The following CELSR1 variants were observed in gnomAD, a reference collection of about 807,000 sequenced individuals.
The protein encoded by CELSR1 is adhesion G protein-coupled receptor C1.
CELSR1 carries 110 observed loss-of-function variants against 249.1 expected under a neutral mutation model. The observed-to-expected ratio is 0.44, with a 90% CI of 0.38 to 0.52. CELSR1 has a LOEUF of 0.52. CELSR1 is among the 20% of genes least tolerant of loss of function. The pLI is 0.00. For missense variants in CELSR1, 4,109 were observed against 4,296.4 expected, an observed-to-expected ratio of 0.96 and a Z score of 1.22; for synonymous variants, 2,113 against 1,900.0, an observed-to-expected ratio of 1.11 and a Z score of -2.92.
At chr22:46,486,249 T>C (rs1170064171) in intron 1 of CELSR1, among the ~76,000 whole-genome samples, 1 of 151,170 alleles carries the variant, frequency 6.6e-6, no homozygotes, top group Non-Finnish European at 1.5e-5. Flanking sequence ...TCAGGTACTT[T>C]TTAAAGTCAT....
chr22:46,378,728 G>A lies in CELSR1; in HGVS notation c.7257-11C>T. ...CCCGTCCCACCAACGCTGCGGAGAGGACAGAGAAGGGGCAGGGGTAAGACG... is the reference window on the plus strand; with the variant it reads ...CCCGTCCCACCAACGCTGCGGAGAGAACAGAGAAGGGGCAGGGGTAAGACG... On this transcript the variant is annotated splice_polypyrimidine_tract_variant and intron_variant, in intron 22 of 34. Coordinates refer to ENST00000674500, the MANE Select transcript of CELSR1 (RefSeq NM_001378328.1). 6.2e-7 allele frequency: 1 copy of A among 1,610,544 alleles called. No homozygotes were observed. The highest frequency in any genetic ancestry group is 8.5e-7 in the Non-Finnish European group (1 of 1,178,194).
Position 46,433,317 on chromosome 22 carries a change from G to A in CELSR1, c.4611+76C>T. On this transcript the variant is annotated intron_variant, in intron 5 of 34. Coordinates refer to ENST00000674500, the MANE Select transcript of CELSR1 (RefSeq NM_001378328.1). The surrounding 1 kb of genome is among the most constrained non-coding windows in gnomAD (Gnocchi z 5.7). The stretch of plus-strand genomic sequence containing the variant: ...CTCAAAGTGCTGGGATTACAGGCGT[G>A]AGCCACTGCGCCTCGCCCCAGGGCA... 3 of 1,113,838 alleles carry A rather than the reference G, an allele frequency of 2.7e-6. No homozygotes were observed. Among genetic ancestry groups the A allele is most frequent in the South Asian group, 1.3e-5 (1 of 75,408 alleles). 69.0% of individuals were successfully genotyped at this position (1,113,838 alleles called of 1,614,324 possible).
At position 46,445,995 on chromosome 22, in the gene CELSR1, C is replaced by T. The variant is rs773581154; in HGVS notation, c.4184-6584G>A. Among the ~76,000 whole-genome samples the T allele has an allele frequency of 1.3e-5, 2 of 152,164 alleles. No individual in the cohort carries two copies. Among genetic ancestry groups the T allele is most frequent in the African/African-American group, 4.8e-5 (2 of 41,444 alleles). On this transcript the variant is annotated intron_variant, in intron 2 of 34. Coordinates refer to ENST00000674500, the MANE Select transcript of CELSR1 (RefSeq NM_001378328.1). The surrounding 1 kb of genome is among the most constrained non-coding windows in gnomAD (Gnocchi z 4.4). ...CCGCACAGCCTCCAGACCTACTTGT[C>T]CCTTGCCTCGCGACAGCACAGTCCT...
In CELSR1 at chr22:46,428,934, G is replaced by A. The variant is rs2079564542; in HGVS notation, c.4611+4459C>T. On this transcript the variant is annotated intron_variant, in intron 5 of 34. Transcript: ENST00000674500. This position sits in a 1 kb window ranked among gnomAD's most constrained non-coding sequence, Gnocchi z 5.7. ...GCAGGCTCAGCTGGCTTTAGAAGAT[G>A]CCCAGGTCAGGTGGACACGAGCCAC... 6.6e-6 allele frequency among the ~76,000 whole-genome samples: 1 copy of A among 152,186 alleles called. No individual in the cohort carries two copies. Among genetic ancestry groups the A allele is most frequent in the Non-Finnish European group, 1.5e-5 (1 of 68,018 alleles).
At position 46,473,647 on chromosome 22, in the gene CELSR1, T is replaced by C. The variant is rs1220038734; in HGVS notation, c.3545-9302A>G. On this transcript the variant is annotated intron_variant, in intron 1 of 34. Transcript: ENST00000674500. This position sits in a 1 kb window ranked among gnomAD's most constrained non-coding sequence, Gnocchi z 6.6. ...TTCCCCGTGGCCGGCTGTGATCACA[T>C]CCACAGAGCGTTGCTTGCTGTCCAG... Among the ~76,000 whole-genome samples, 2 of 152,108 alleles carry C rather than the reference T, an allele frequency of 1.3e-5. No individual in the cohort carries two copies. The highest frequency in any genetic ancestry group is 2.4e-5 in the African/African-American group (1 of 41,424).
intron 5 of CELSR1, among the ~76,000 whole-genome samples, chr22:46,418,042 C>T (rs886699296): frequency 2.6e-5 from 4 of 152,222 alleles, no homozygotes; most frequent in African/African-American, 9.6e-5. Context: ...GCATCTTCCT[C>T]GTGGGACGAC....
chr22:46,520,708 T>C (rs372244784), intron 1 of CELSR1, among the ~76,000 whole-genome samples: 7 of 152,014 alleles, frequency 4.6e-5, no homozygotes, highest in East Asian at 1.9e-4. Flanking sequence ...GTGATCCACC[T>C]GCCTCGGCCT....
In CELSR1 at chr22:46,534,170, T is replaced by G; in HGVS notation, c.3001A>C (p.Lys1001Gln). The change falls in exon 1 of 35, where the codon AAG (lysine) becomes CAG (glutamine). Residue 1001 changes from lysine (K) to glutamine (Q), a missense_variant. By Grantham distance (53) the Lys-to-Gln change is moderately conservative. This residue lies in a region of CELSR1 where 886 missense variants were observed against 896.5 expected (regional missense o/e 0.99). Transcript: ENST00000674500. This position sits in a 1 kb window ranked among gnomAD's most constrained non-coding sequence, Gnocchi z 9.7. Reference protein sequence around the residue: ...DINDNAPMFEKDELELFVEEN... With the variant: ...DINDNAPMFEQDELELFVEEN... ...TCAACAAACAGCTCCAGTTCGTCCT[T>G]CTCAAACATGGGGGCATTGTCATTA... 1 of 1,613,830 alleles carries G rather than the reference T, an allele frequency of 6.2e-7. No individual in the cohort carries two copies. The highest frequency in any genetic ancestry group is 8.5e-7 in the Non-Finnish European group (1 of 1,180,028).
Position 46,363,957 on chromosome 22 carries a change from A to G in CELSR1, c.9035+39T>C. The G allele has an allele frequency of 1.3e-6, 2 of 1,537,006 alleles. No homozygotes were observed. Among genetic ancestry groups the G allele is most frequent in the Non-Finnish European group, 1.8e-6 (2 of 1,142,344 alleles). On this transcript the variant is annotated intron_variant, in intron 34 of 34. Coordinates refer to ENST00000674500, the MANE Select transcript of CELSR1 (RefSeq NM_001378328.1). The surrounding 1 kb of genome is among the most constrained non-coding windows in gnomAD (Gnocchi z 4.3). Reference sequence around the variant, plus strand: ...TCTCTCCTGACTCAGGACAAGGGGGAAGTGGGTGATCCCCGCCCTGGAGGC... The same window carrying G: ...TCTCTCCTGACTCAGGACAAGGGGGGAGTGGGTGATCCCCGCCCTGGAGGC...
chr22:46,492,613 C>T (rs1476677367), intron 1 of CELSR1, among the ~76,000 whole-genome samples: 3 of 152,122 alleles, frequency 2.0e-5, no homozygotes, highest in Non-Finnish European at 4.4e-5. Flanking sequence ...CACCTGAAAT[C>T]AGGAGTTCAA....
intron 2 of CELSR1, among the ~76,000 whole-genome samples, chr22:46,455,122 T>C (rs1246085321): frequency 6.6e-6 from 1 of 152,178 alleles, no homozygotes; most frequent in African/African-American, 2.4e-5. Context: ...TACCAGAAAC[T>C]GGACGAGGCC....
At chr22:46,372,511 C>A (rs1291858907) in intron 25 of CELSR1, among the ~76,000 whole-genome samples, 1 of 136,830 alleles carries the variant, frequency 7.3e-6, no homozygotes, top group African/African-American at 2.8e-5. Context: ...CCACTCACCC[C>A]CCACCCACCC....
At chr22:46,514,498 G>A (rs759731702) in intron 1 of CELSR1, among the ~76,000 whole-genome samples, 3 of 152,164 alleles carry the variant, frequency 2.0e-5, no homozygotes, top group Non-Finnish European at 4.4e-5. Flanking sequence ...GTCAGAACCA[G>A]TCCTGGTGAG....
chr22:46,369,860 C>A, intron 25 of CELSR1, 56 bp from the exon 26 acceptor site: 2 of 1,489,932 alleles, frequency 1.3e-6, no homozygotes, highest in Admixed American at 1.7e-5. Flanking sequence ...GTGGCCACCC[C>A]ATGCCAAGGA....
Position 46,536,920 on chromosome 22 carries a change from C to A in CELSR1, c.251G>T (p.Arg84Leu), listed in dbSNP as rs758922027. ...AGRRRVSGAG[R>L]PLPLQVRLVA... ...CAAGCGGACTTGCAGCGGCAGCGGG[C>A]GCCCCGCGCCCGAGACGCGCCGACG... The change falls in exon 1 of 35, where the codon CGC (arginine) becomes CTC (leucine). Residue 84 changes from arginine to leucine, a missense_variant. Around this residue, in one of 7 missense-constraint regions of CELSR1, gnomAD observed 673 missense variants for 636.8 expected, o/e 1.06. Coordinates refer to ENST00000674500, the MANE Select transcript of CELSR1 (RefSeq NM_001378328.1). 2.6e-6 allele frequency: 3 copies of A among 1,174,216 alleles called. 1 individual carries two copies. The South Asian group carries it at 9.6e-5, about 38-fold the overall frequency. The allele number at this position is 1,174,216 out of a possible 1,614,324, so 72.7% of individuals were successfully genotyped here. A position where few individuals can be genotyped will look rare whatever the true frequency, so the allele number is the denominator to read the frequency against.
intron 1 of CELSR1, among the ~76,000 whole-genome samples, chr22:46,469,673 G>A (rs915385021): frequency 6.6e-6 from 1 of 151,762 alleles, no homozygotes; most frequent in Middle Eastern, 3.4e-3. Flanking sequence ...ACACCACCAC[G>A]CCTGGCTAAT....
Position 46,536,633 on chromosome 22 carries a change from G to A in CELSR1, c.538C>T (p.Arg180Cys), listed in dbSNP as rs1336544736. The A allele has an allele frequency of 2.6e-6, 3 of 1,168,912 alleles. No individual in the cohort carries two copies. The highest frequency in any genetic ancestry group is 3.2e-6 in the Non-Finnish European group (3 of 949,524). The allele number at this position is 1,168,912 out of a possible 1,614,324, so 72.4% of individuals were successfully genotyped here. A position where few individuals can be genotyped will look rare whatever the true frequency, so the allele number is the denominator to read the frequency against. Reference protein sequence around the residue: ...PICLPPGGSVRLRLLCALRRA... With the variant: ...PICLPPGGSVCLRLLCALRRA... ...CGCAGGGCGCACAGCAGACGCAGGCGGACCGAGCCGCCCGGCGGCAGGCAG... is the reference window on the plus strand; with the variant it reads ...CGCAGGGCGCACAGCAGACGCAGGCAGACCGAGCCGCCCGGCGGCAGGCAG... Residue 180 changes from arginine (R) to cysteine (C), a missense_variant, in exon 1 of 35, where the codon CGC becomes TGC. Coordinates refer to ENST00000674500, the MANE Select transcript of CELSR1 (RefSeq NM_001378328.1).
chr22:46,436,390 C>T lies in CELSR1; in HGVS notation c.4407-101G>A. On this transcript the variant is annotated intron_variant, in intron 3 of 34. Coordinates refer to ENST00000674500, the MANE Select transcript of CELSR1 (RefSeq NM_001378328.1). This position sits in a 1 kb window ranked among gnomAD's most constrained non-coding sequence, Gnocchi z 5.9. ...GCCGGAGGAGGGCAAGCACGTGGGG[C>T]TACGATTCAGGAAAGAATGGTGTCA... 1 of 752,668 alleles carries T rather than the reference C, an allele frequency of 1.3e-6. No homozygotes were observed. The highest frequency in any genetic ancestry group is 1.6e-5 in the South Asian group (1 of 60,838). The allele number at this position is 752,668 out of a possible 1,614,324, so 46.6% of individuals were successfully genotyped here. A position where few individuals can be genotyped will look rare whatever the true frequency, so the allele number is the denominator to read the frequency against.
intron 5 of CELSR1, among the ~76,000 whole-genome samples, chr22:46,421,916 C>T (rs1330522105): frequency 6.6e-6 from 1 of 152,232 alleles, no homozygotes; most frequent in South Asian, 2.1e-4. Flanking sequence ...CCCATCCCCT[C>T]CTCTTAAACA....
Sources: allele counts gnomAD v4.1 joint callset (sites outside exome capture counted in the v4.1 genomes callset), GRCh38; gene constraint gnomAD v4.1.1; regional missense constraint gnomAD v4.1.1; non-coding constraint Gnocchi (gnomAD v3.1); transcripts MANE v1.5; gene names NCBI Gene and HGNC (gene_info 2026-07-23, HGNC 2026-07-21).